NCOA1: variants seen among roughly 807,000 people sequenced by gnomAD.
The protein encoded by NCOA1 is Hin-2 protein.
NCOA1 carries 35 observed loss-of-function variants against 150.9 expected under a neutral mutation model. The ratio of observed to expected loss-of-function variants is 0.23; its 90% CI spans 0.18 to 0.31. The LOEUF is 0.31. Among genes scored for constraint, NCOA1 ranks in the 10% least tolerant of loss-of-function variants. NCOA1 has a pLI of 1.00. For missense variants in NCOA1, 1,491 were observed against 1,749.3 expected, an observed-to-expected ratio of 0.85 and a Z score of 2.63; for synonymous variants, 590 against 630.0, an observed-to-expected ratio of 0.94 and a Z score of 0.95.
intron 3 of NCOA1, among the ~76,000 whole-genome samples, chr2:24,634,474 A>G (rs565125862): frequency 1.3e-5 from 2 of 152,166 alleles, no homozygotes; most frequent in East Asian, 1.9e-4. Flanking sequence ...GTACTCTTCT[A>G]TCACCTTGCT....
chr2:24,746,892 T>G (rs980308635), intron 19 of NCOA1, among the ~76,000 whole-genome samples: 3 of 152,160 alleles, frequency 2.0e-5, no homozygotes, highest in Non-Finnish European at 4.4e-5. Context: ...CAGTTATACA[T>G]GTGAGTGAAT....
At chr2:24,522,729 A>G (rs958520158) in intron 1 of NCOA1, among the ~76,000 whole-genome samples, 34 of 152,346 alleles carry the variant, frequency 2.2e-4, no homozygotes, top group African/African-American at 7.7e-4. Flanking sequence ...AAGATTTTCA[A>G]CGATGGAAAA....
chr2:24,503,996 A>G (rs917629333), intron 1 of NCOA1, among the ~76,000 whole-genome samples: 6 of 152,022 alleles, frequency 3.9e-5, no homozygotes, highest in African/African-American at 9.7e-5. Context: ...CAGCCTCCCA[A>G]AGTTCTGGGA....
At chr2:24,718,338 C>T (rs930738932) in intron 14 of NCOA1, among the ~76,000 whole-genome samples, 1 of 152,118 alleles carries the variant, frequency 6.6e-6, no homozygotes, top group Non-Finnish European at 1.5e-5. Flanking sequence ...GGGTGTGGAA[C>T]AATTTGAACT....
At chr2:24,621,671 G>T (rs938047721) in intron 3 of NCOA1, among the ~76,000 whole-genome samples, 4 of 151,788 alleles carry the variant, frequency 2.6e-5, no homozygotes, top group Admixed American at 2.6e-4. Context: ...GTAGAGGCAG[G>T]GTTTCACCAT....
chr2:24,665,713 C>T, intron 5 of NCOA1, 36 bp from the exon 6 acceptor site: 1 of 1,434,120 alleles, frequency 7.0e-7, no homozygotes, highest in South Asian at 1.7e-5. Context: ...TATGGTGATA[C>T]AAATGTACAC....
chr2:24,731,736 C>A (rs1402555117), intron 17 of NCOA1, among the ~76,000 whole-genome samples: 1 of 152,194 alleles, frequency 6.6e-6, no homozygotes, highest in Non-Finnish European at 1.5e-5. Context: ...TAAACTACTT[C>A]TTGTAGCTTT....
intron 8 of NCOA1, among the ~76,000 whole-genome samples, chr2:24,684,620 A>G (rs1348643065): frequency 6.6e-6 from 1 of 152,218 alleles, no homozygotes; most frequent in African/African-American, 2.4e-5. Context: ...GCCTTTCACA[A>G]TAGGGAGGAA....
chr2:24,518,512 GAAAT>G (rs751119578), intron 1 of NCOA1, among the ~76,000 whole-genome samples: 101 of 151,512 alleles, frequency 6.7e-4, no homozygotes, highest in Non-Finnish European at 1.6e-4. Flanking sequence ...AAAAAAAAAA[GAAAT>G]AAAAGGCATC....
chr2:24,547,689 T>G (rs976247122), intron 1 of NCOA1, among the ~76,000 whole-genome samples: 2 of 151,406 alleles, frequency 1.3e-5, no homozygotes, highest in African/African-American at 4.9e-5. Flanking sequence ...ATGAGATTGT[T>G]AAAAAAAAGG....
At chr2:24,732,925 G>T (rs1179682567) in intron 17 of NCOA1, among the ~76,000 whole-genome samples, 2 of 149,438 alleles carry the variant, frequency 1.3e-5, no homozygotes, top group Non-Finnish European at 3.0e-5. Flanking sequence ...AAGAAAAAAA[G>T]GAACAAAAAA....
intron 3 of NCOA1, among the ~76,000 whole-genome samples, chr2:24,599,686 A>G (rs1031347895): frequency 6.7e-6 from 1 of 149,526 alleles, no homozygotes; most frequent in Middle Eastern, 3.2e-3. Context: ...CTTGTAACTT[A>G]TATACAGCCC....
At chr2:24,637,923 C>T (rs1372035566) in intron 3 of NCOA1, among the ~76,000 whole-genome samples, 2 of 151,960 alleles carry the variant, frequency 1.3e-5, no homozygotes, top group East Asian at 1.9e-4. Context: ...CTTGAACTCC[C>T]GAGCTCAAGT....
intron 3 of NCOA1, among the ~76,000 whole-genome samples, chr2:24,634,716 C>CCCG (rs1448963590): frequency 8.9e-6 from 1 of 112,216 alleles, no homozygotes; most frequent in Non-Finnish European, 1.9e-5. Context: ...GAACCCCCCC[C>CCCG]CCCCCCGCCC....
chr2:24,531,888 G>A (rs1375586614), intron 1 of NCOA1, among the ~76,000 whole-genome samples: 1 of 152,140 alleles, frequency 6.6e-6, no homozygotes, highest in Non-Finnish European at 1.5e-5. Flanking sequence ...CCAAGTCTTT[G>A]CTATTGTGAA....
At chr2:24,735,898 C>T (rs545819476) in intron 17 of NCOA1, among the ~76,000 whole-genome samples, 1 of 152,114 alleles carries the variant, frequency 6.6e-6, no homozygotes, top group South Asian at 2.1e-4. Flanking sequence ...AGAACAACAG[C>T]AAAAATGGGT....
Position 24,566,890 on chromosome 2 carries a change from C to T in NCOA1, c.-260+2460C>T, listed in dbSNP as rs181538051. ...GGCAGTGGGAGTAGGCACTTCTGAG[C>T]CTGCAGGGGCATGGGGGGCCTTCCT... On this transcript the variant is annotated intron_variant, in intron 2 of 22. Coordinates refer to ENST00000348332, the MANE Select transcript of NCOA1 (RefSeq NM_003743.5). Among the ~76,000 whole-genome samples, 15 of 152,368 alleles carry T rather than the reference C, an allele frequency of 9.8e-5. No homozygotes were observed. The East Asian group carries it at 2.9e-3, about 29-fold the overall frequency.
intron 3 of NCOA1, among the ~76,000 whole-genome samples, chr2:24,591,705 A>T (rs1344469023): frequency 6.6e-6 from 1 of 151,760 alleles, no homozygotes. Flanking sequence ...CCTAGAGAAC[A>T]CTCTTCTCTG....
intron 2 of NCOA1, among the ~76,000 whole-genome samples, chr2:24,570,053 T>C (rs1666682394): frequency 9.6e-6 from 1 of 103,988 alleles, no homozygotes; most frequent in South Asian, 2.8e-4. Flanking sequence ...GGTATATACT[T>C]TTTTTTTTTT....
Sources: allele counts gnomAD v4.1 joint callset (sites outside exome capture counted in the v4.1 genomes callset), GRCh38; gene constraint gnomAD v4.1.1; transcripts MANE v1.5; gene names NCBI Gene and HGNC (gene_info 2026-07-23, HGNC 2026-07-21).